LRRC4C: variants seen among roughly 807,000 people sequenced by gnomAD.
LRRC4C encodes leucine-rich repeat-containing protein 4C.
A neutral mutation model predicts 33.6 loss-of-function variants in LRRC4C; 5 were observed. That is an observed-to-expected ratio of 0.15 (90% CI 0.08 to 0.31). The LOEUF is 0.31. Among genes scored for constraint, LRRC4C ranks in the 10% least tolerant of loss-of-function variants. The pLI is 1.00. For missense variants in LRRC4C, 560 were observed against 796.7 expected (o/e 0.70, Z 3.58); for synonymous variants, 329 against 302.0 (o/e 1.09, Z -0.93).
intron 3 of LRRC4C, among the ~76,000 whole-genome samples, chr11:40,365,538 A>T (rs1027632824): frequency 3.3e-5 from 5 of 152,054 alleles, no homozygotes; most frequent in African/African-American, 1.2e-4. Flanking sequence ...ATGAGTTCTA[A>T]GGGAAAACTG....
chr11:40,298,736 C>T (rs1944631932), intron 4 of LRRC4C, among the ~76,000 whole-genome samples: 1 of 152,106 alleles, frequency 6.6e-6, no homozygotes, highest in Non-Finnish European at 1.5e-5. Flanking sequence ...CACAGTTCCA[C>T]ATGGCTGGGG....
chr11:40,761,659 A>G (rs1949217089), intron 2 of LRRC4C, among the ~76,000 whole-genome samples: 1 of 152,154 alleles, frequency 6.6e-6, no homozygotes, highest in Non-Finnish European at 1.5e-5. Context: ...ATTATTTTCA[A>G]GTGAAAATCC....
chr11:40,423,501 C>T (rs1477828758), intron 3 of LRRC4C, among the ~76,000 whole-genome samples: 3 of 151,778 alleles, frequency 2.0e-5, no homozygotes, highest in Non-Finnish European at 4.4e-5. Context: ...CCCGCTACCA[C>T]GCCCGGCTAA....
chr11:41,073,340 T>TA (rs1392980560), intron 1 of LRRC4C, among the ~76,000 whole-genome samples: 1 of 151,836 alleles, frequency 6.6e-6, no homozygotes, highest in East Asian at 1.9e-4. Context: ...GGGGTTTTTT[T>TA]AACAACTGGC....
At chr11:40,603,527 G>A (rs569106614) in intron 3 of LRRC4C, among the ~76,000 whole-genome samples, 1 of 152,346 alleles carries the variant, frequency 6.6e-6, no homozygotes, top group Non-Finnish European at 1.5e-5. Flanking sequence ...CAAAGTTCAT[G>A]TACAGAGCAG....
chr11:41,285,376 G>C (rs531925518), intron 1 of LRRC4C, among the ~76,000 whole-genome samples: 1 of 152,250 alleles, frequency 6.6e-6, no homozygotes, highest in Non-Finnish European at 1.5e-5. Context: ...CATTCAACAA[G>C]CATGATTTAT....
chr11:40,729,494 G>T (rs61886858), intron 2 of LRRC4C, among the ~76,000 whole-genome samples: 2 of 151,984 alleles, frequency 1.3e-5, no homozygotes, highest in African/African-American at 4.8e-5. Context: ...TCCTGATATT[G>T]CCTGAACTCC....
intron 4 of LRRC4C, among the ~76,000 whole-genome samples, chr11:40,250,328 C>T (rs571103648): frequency 1.3e-5 from 2 of 152,158 alleles, no homozygotes; most frequent in Admixed American, 1.3e-4. Context: ...CCTATGTAAT[C>T]TTTGTCTATA....
chr11:40,686,325 G>A lies in LRRC4C; in HGVS notation c.-406-38047C>T, dbSNP rs147848728. On this transcript the variant is annotated intron_variant, in intron 2 of 6. Coordinates refer to ENST00000528697, the MANE Select transcript of LRRC4C (RefSeq NM_001258419.2). ...CAGCCCAGCATAACACTGGCACACA[G>A]AGGAAGCTCAGTGTGTGCTAACTGA... 1.0e-3 allele frequency among the ~76,000 whole-genome samples: 157 copies of A among 152,192 alleles called. 1 individual carries two copies. The highest frequency in any genetic ancestry group is 3.7e-3 in the African/African-American group (154 of 41,534).
At chr11:40,665,029 G>A (rs1464307247) in intron 2 of LRRC4C, among the ~76,000 whole-genome samples, 6 of 150,442 alleles carry the variant, frequency 4.0e-5, no homozygotes, top group Non-Finnish European at 8.8e-5. Flanking sequence ...GCGGTGTTTG[G>A]TTTTTTGTCC....
intron 1 of LRRC4C, among the ~76,000 whole-genome samples, chr11:41,362,917 T>C (rs951964574): frequency 1.1e-4 from 17 of 152,154 alleles, no homozygotes; most frequent in Admixed American, 2.0e-4. Flanking sequence ...TTCTGCAGTA[T>C]AATCTCCTCA....
At chr11:40,750,733 C>T (rs1948652318) in intron 2 of LRRC4C, among the ~76,000 whole-genome samples, 1 of 149,928 alleles carries the variant, frequency 6.7e-6, no homozygotes, top group Admixed American at 6.7e-5. Flanking sequence ...AGCACACCAA[C>T]ATGGCACATG....
intron 4 of LRRC4C, among the ~76,000 whole-genome samples, chr11:40,254,329 G>C (rs967774351): frequency 6.6e-6 from 1 of 152,210 alleles, no homozygotes; most frequent in Non-Finnish European, 1.5e-5. Context: ...GAGAGCATGA[G>C]GGAACTCAGG....
At chr11:40,930,398 G>C (rs1476234083) in intron 2 of LRRC4C, among the ~76,000 whole-genome samples, 4 of 152,326 alleles carry the variant, frequency 2.6e-5, no homozygotes, top group African/African-American at 4.8e-5. Context: ...AAAGAGGACA[G>C]CATGAAAAGG....
At chr11:40,389,268 C>A (rs1019301688) in intron 3 of LRRC4C, among the ~76,000 whole-genome samples, 1 of 152,084 alleles carries the variant, frequency 6.6e-6, no homozygotes, top group East Asian at 1.9e-4. Context: ...TATCTTAGGG[C>A]AAAATGGAAA....
intron 2 of LRRC4C, among the ~76,000 whole-genome samples, chr11:40,887,882 A>G (rs2136081456): frequency 6.6e-6 from 1 of 152,124 alleles, no homozygotes; most frequent in African/African-American, 2.4e-5. Context: ...TAGAAAATTA[A>G]TTAACATTAT....
At chr11:40,599,904 A>G (rs1054867088) in intron 3 of LRRC4C, among the ~76,000 whole-genome samples, 7 of 152,202 alleles carry the variant, frequency 4.6e-5, no homozygotes, top group Admixed American at 4.6e-4. Flanking sequence ...CTCTGGGCAC[A>G]ACGGCAACAA....
chr11:41,340,930 A>C (rs1951614282), intron 1 of LRRC4C, among the ~76,000 whole-genome samples: 1 of 152,250 alleles, frequency 6.6e-6, no homozygotes, highest in Admixed American at 6.5e-5. Context: ...TCCAGAAGAA[A>C]GGCAATCTAG....
chr11:40,981,247 C>G (rs1852501036), intron 1 of LRRC4C, among the ~76,000 whole-genome samples: 1 of 152,052 alleles, frequency 6.6e-6, no homozygotes, highest in Non-Finnish European at 1.5e-5. Context: ...AACCCCGTCT[C>G]TACTAAAAAT....
Sources: gnomAD v4.1 joint callset for allele counts (sites outside exome capture counted in the v4.1 genomes callset) on GRCh38, gnomAD v4.1.1 for gene constraint, MANE v1.5 for transcripts, NCBI Gene and HGNC (gene_info 2026-07-23, HGNC 2026-07-21) for gene names.